Variants in FSCN1 observed in about 807,000 individuals in gnomAD.
FSCN1 encodes the protein fascin.
Under a neutral mutation model 39.7 loss-of-function variants are expected in FSCN1, and 10 were observed. The ratio of observed to expected loss-of-function variants is 0.25; its 90% CI spans 0.16 to 0.43. FSCN1 has a LOEUF of 0.43. FSCN1 is among the 20% of genes least tolerant of loss of function. The pLI, the probability that FSCN1 is intolerant of heterozygous loss-of-function variation, is 1.00. For missense variants in FSCN1, 525 were observed against 723.8 expected (o/e 0.73, Z 3.15); for synonymous variants, 322 against 320.0 (o/e 1.01, Z -0.07).
Position 5,603,826 on chromosome 7 carries a change from G to T in FSCN1, c.1112-37G>T. On this transcript the variant is annotated intron_variant, in intron 3 of 4. Transcript: ENST00000382361. The surrounding 1 kb of genome is among the most constrained non-coding windows in gnomAD (Gnocchi z 8.5). Reference sequence around the variant, plus strand: ...CACCCCAGCCTCCACCCCACTCCCTGCCAGGAGGCTCACTGACTCCCCTCT... The same window carrying T: ...CACCCCAGCCTCCACCCCACTCCCTTCCAGGAGGCTCACTGACTCCCCTCT... 1.9e-6 allele frequency: 3 copies of T among 1,600,870 alleles called. No individual in the cohort carries two copies. The highest frequency in any genetic ancestry group is 2.6e-6 in the Non-Finnish European group (3 of 1,171,718).
chr7:5,603,774 C>A lies in FSCN1; in HGVS notation c.1112-89C>A. 6.7e-7 allele frequency: 1 copy of A among 1,503,474 alleles called. No homozygotes were observed. 93.1% of individuals were successfully genotyped at this position (1,503,474 alleles called of 1,614,324 possible). The stretch of plus-strand genomic sequence containing the variant: ...CCTACCCTGGGGACTGCTGTGTGAC[C>A]CCAGCTCCTGGCCCTCCCTCTCTGG... On this transcript the variant is annotated intron_variant, in intron 3 of 4. Transcript: ENST00000382361. This position sits in a 1 kb window ranked among gnomAD's most constrained non-coding sequence, Gnocchi z 8.5.
In FSCN1 at chr7:5,603,621, A is replaced by T. The variant is rs774460293; in HGVS notation, c.1111+4A>T. 5.6e-6 allele frequency: 9 copies of T among 1,613,872 alleles called. No individual in the cohort carries two copies. In the Admixed American group the frequency reaches 1.0e-4, roughly 18 times the overall value. ...GCCGCCTCGGTGGAGACAGCAGGTA[A>T]CACTAAAGCCCCAGTTCCCTGGAGC... On this transcript the variant is annotated splice_donor_region_variant and intron_variant, in intron 3 of 4. Coordinates refer to ENST00000382361, the MANE Select transcript of FSCN1 (RefSeq NM_003088.4). The surrounding 1 kb of genome is among the most constrained non-coding windows in gnomAD (Gnocchi z 8.5).
intron 1 of FSCN1, chr7:5,594,777 C>A (rs1036038564): frequency 6.6e-6 from 1 of 152,212 alleles, no homozygotes. Context: ...CAGCGCGAGC[C>A]GGGAGACCCC....
At position 5,593,473 on chromosome 7, in the gene FSCN1, C is replaced by T; in HGVS notation, c.537C>T (p.Leu179=). Residue 179 remains leucine, a synonymous_variant, in exon 1 of 5, where the codon CTC becomes CTT. Transcript: ENST00000382361. ...VPWGVDSLIT[L]AFQDQRYSVQ... is the part of the protein sequence containing the mutation. ...GGGGCGTCGACTCGCTCATCACCCT[C>T]GCCTTCCAGGACCAGCGCTACAGCG... 5.6e-6 allele frequency: 9 copies of T among 1,611,648 alleles called. No individual in the cohort carries two copies. Among genetic ancestry groups the T allele is most frequent in the Non-Finnish European group, 7.6e-6 (9 of 1,179,696 alleles).
chr7:5,600,290 T>C (rs1201212664), intron 1 of FSCN1, among the ~76,000 whole-genome samples: 38 of 151,322 alleles, frequency 2.5e-4, no homozygotes, highest in African/African-American at 8.5e-4. Context: ...GGCGGGTGCC[T>C]GTAATCCCAG....
chr7:5,604,071 C>T (rs752586789), intron 4 of FSCN1, 41 bp downstream of exon 4: 83 of 1,592,582 alleles, frequency 5.2e-5, no homozygotes, highest in South Asian at 2.9e-4. Context: ...GGGAACCCCT[C>T]GGTCGGGGCT....
At position 5,605,430 on chromosome 7, in the gene FSCN1, G is replaced by A; in HGVS notation, c.1438G>A (p.Ala480Thr). 1.2e-6 allele frequency: 2 copies of A among 1,608,540 alleles called. No individual in the cohort carries two copies. The highest frequency in any genetic ancestry group is 1.7e-6 in the Non-Finnish European group (2 of 1,177,724). ...LKGDHAGVLK[A>T]SAETVDPASL... ...GGGCGACCACGCAGGCGTCCTGAAG[G>A]CCTCGGCGGAAACCGTGGACCCCGC... Residue 480 changes from alanine (A) to threonine (T), a missense_variant, in exon 5 of 5, where the codon GCC (alanine) becomes ACC (threonine). Ala to Thr is a moderately conservative substitution (Grantham distance 58). Coordinates refer to ENST00000382361, the MANE Select transcript of FSCN1 (RefSeq NM_003088.4). The surrounding 1 kb of genome is among the most constrained non-coding windows in gnomAD (Gnocchi z 6.9).
chr7:5,594,801 C>G (rs1424926787), intron 1 of FSCN1: 62 of 152,196 alleles, frequency 4.1e-4, no homozygotes, highest in Admixed American at 4.0e-3. Context: ...CCAGCTCCCT[C>G]GGGAAGCCCC....
chr7:5,600,707 G>A (rs1391959392), intron 1 of FSCN1, among the ~76,000 whole-genome samples: 1 of 149,346 alleles, frequency 6.7e-6, no homozygotes, highest in African/African-American at 2.5e-5. Context: ...AGGCTGGAGT[G>A]CAGTGGCGCG....
chr7:5,601,955 AT>A (rs71701752), intron 1 of FSCN1, among the ~76,000 whole-genome samples: 5,720 of 144,708 alleles, frequency 0.04, 126 homozygotes, highest in African/African-American at 0.074. Flanking sequence ...TTAAAAAAAA[AT>A]TTTTTTTTTT....
At chr7:5,601,745 T>TG (rs1785834999) in intron 1 of FSCN1, among the ~76,000 whole-genome samples, 1 of 151,818 alleles carries the variant, frequency 6.6e-6, no homozygotes, top group Admixed American at 6.6e-5. Flanking sequence ...GAGGCTGAGG[T>TG]GGGAGGATCA....
intron 1 of FSCN1, among the ~76,000 whole-genome samples, chr7:5,600,273 G>A (rs538070573): frequency 6.6e-6 from 1 of 152,068 alleles, no homozygotes; most frequent in Admixed American, 6.5e-5. Context: ...AATTAGCCGG[G>A]CATAGTGGCG....
intron 1 of FSCN1, among the ~76,000 whole-genome samples, chr7:5,602,203 G>C (rs879281547): frequency 0.14 from 20,968 of 146,906 alleles, 1,478 homozygotes; most frequent in South Asian, 0.17. Context: ...ACTGTGCCTG[G>C]CCCCTTTTTT....
rs200989728 is a variant in FSCN1, at chr7:5,593,767, G to A, written c.831G>A (p.Gln277=). ...ACGAGAGGAACGTGTCCACGCGCCAGGGTGAGTGGGGACGCTGCCCCCGCC... is the reference window on the plus strand; with the variant it reads ...ACGAGAGGAACGTGTCCACGCGCCAAGGTGAGTGGGGACGCTGCCCCCGCC... ...AANERNVSTR[Q]GMDLSANQDE... Residue 277 remains glutamine, a splice_region_variant and synonymous_variant, in exon 1 of 5, where the codon CAG becomes CAA. Transcript: ENST00000382361. 626 of 1,555,782 alleles carry A rather than the reference G, an allele frequency of 4.0e-4. 1 individual carries two copies. In the African/African-American group the frequency reaches 7.4e-3, roughly 18 times the overall value.
intron 1 of FSCN1, among the ~76,000 whole-genome samples, chr7:5,598,864 C>T (rs1400048443): frequency 6.6e-6 from 1 of 152,256 alleles, no homozygotes; most frequent in South Asian, 2.1e-4. Context: ...TGCTCTGTGG[C>T]CGGCACAGGC....
chr7:5,596,799 G>C (rs1291525867), intron 1 of FSCN1, among the ~76,000 whole-genome samples: 1 of 152,224 alleles, frequency 6.6e-6, no homozygotes, highest in East Asian at 1.9e-4. Flanking sequence ...AGGGCATTCT[G>C]AGCCCAGGGA....
chr7:5,605,506 A>C lies in FSCN1; in HGVS notation c.*32A>C. On this transcript the variant is annotated 3_prime_UTR_variant, in exon 5 of 5. Coordinates refer to ENST00000382361, the MANE Select transcript of FSCN1 (RefSeq NM_003088.4). The surrounding 1 kb of genome is among the most constrained non-coding windows in gnomAD (Gnocchi z 6.9). ...CCCGTCCTTCCCCGCCCCTGCCCAC[A>C]TGGCGGCTCCTGCCAACCCTCCCTG... 1 of 1,466,412 alleles carries C rather than the reference A, an allele frequency of 6.8e-7. No individual in the cohort carries two copies. The highest frequency in any genetic ancestry group is 9.2e-7 in the Non-Finnish European group (1 of 1,082,790). 90.8% of individuals were successfully genotyped at this position (1,466,412 alleles called of 1,614,324 possible). A position where few individuals can be genotyped will look rare whatever the true frequency, so the allele number is the denominator to read the frequency against.
At chr7:5,596,707 G>A (rs1372603256) in intron 1 of FSCN1, among the ~76,000 whole-genome samples, 1 of 152,198 alleles carries the variant, frequency 6.6e-6, no homozygotes, top group Non-Finnish European at 1.5e-5. Flanking sequence ...CCCTCTCCCA[G>A]CCACTCTGAG....
chr7:5,605,503 C>G lies in FSCN1; in HGVS notation c.*29C>G. On this transcript the variant is annotated 3_prime_UTR_variant, in exon 5 of 5. Transcript: ENST00000382361. The surrounding 1 kb of genome is among the most constrained non-coding windows in gnomAD (Gnocchi z 6.9). ...CGGCCCGTCCTTCCCCGCCCCTGCC[C>G]ACATGGCGGCTCCTGCCAACCCTCC... is the stretch of plus-strand genomic sequence containing the variant. The G allele has an allele frequency of 1.4e-6, 2 of 1,472,196 alleles. No individual in the cohort carries two copies. Among genetic ancestry groups the G allele is most frequent in the Non-Finnish European group, 1.8e-6 (2 of 1,086,912 alleles). The allele number at this position is 1,472,196 out of a possible 1,614,324, so 91.2% of individuals were successfully genotyped here. A position where few individuals can be genotyped will look rare whatever the true frequency, so the allele number is the denominator to read the frequency against.
Sources: allele counts gnomAD v4.1 joint callset (sites outside exome capture counted in the v4.1 genomes callset), GRCh38; gene constraint gnomAD v4.1.1; non-coding constraint Gnocchi (gnomAD v3.1); transcripts MANE v1.5; gene names NCBI Gene and HGNC (gene_info 2026-07-23, HGNC 2026-07-21).